The following ANKRD13C variants were observed in gnomAD, a reference collection of about 807,000 sequenced individuals.
The protein encoded by ANKRD13C is ankyrin repeat domain 13C.
A neutral mutation model predicts 65.5 loss-of-function variants in ANKRD13C; 16 were observed. That is an observed-to-expected ratio of 0.24 (90% CI 0.17 to 0.37). The LOEUF is 0.37. ANKRD13C is among the 10% of genes least tolerant of loss of function. The pLI, the probability that ANKRD13C is intolerant of heterozygous loss-of-function variation, is 1.00. For missense variants in ANKRD13C, 503 were observed against 655.9 expected (o/e 0.77, Z 2.55); for synonymous variants, 235 against 238.7 (o/e 0.98, Z 0.14).
chr1:70,303,820 C>A (rs1343456235), intron 6 of ANKRD13C, among the ~76,000 whole-genome samples: 1 of 152,144 alleles, frequency 6.6e-6, no homozygotes, highest in East Asian at 1.9e-4. Flanking sequence ...ATTCTCATCA[C>A]CTAGGCAAAA....
chr1:70,263,670 G>A (rs561685897), intron 12 of ANKRD13C, among the ~76,000 whole-genome samples: 1 of 152,122 alleles, frequency 6.6e-6, no homozygotes, highest in Non-Finnish European at 1.5e-5. Context: ...CTGAAATGAG[G>A]TTGGGTGTGG....
chr1:70,275,340 G>A (rs531722106), intron 10 of ANKRD13C, among the ~76,000 whole-genome samples: 49 of 152,258 alleles, frequency 3.2e-4, no homozygotes, highest in East Asian at 1.2e-3. Flanking sequence ...TAGAATGAGC[G>A]TTCCAATAAG....
chr1:70,330,881 C>T (rs1157709811), intron 2 of ANKRD13C, among the ~76,000 whole-genome samples: 1 of 151,802 alleles, frequency 6.6e-6, no homozygotes, highest in Non-Finnish European at 1.5e-5. Flanking sequence ...GTAAAACTTC[C>T]TGAAACCTTC....
intron 9 of ANKRD13C, among the ~76,000 whole-genome samples, chr1:70,283,732 C>T (rs531704510): frequency 9.2e-5 from 14 of 151,820 alleles, no homozygotes; most frequent in South Asian, 2.1e-4. Flanking sequence ...TGCTTGGAGC[C>T]GGGAGACGGA....
chr1:70,313,473 T>A (rs1029838601), intron 5 of ANKRD13C, among the ~76,000 whole-genome samples: 50 of 148,302 alleles, frequency 3.4e-4, no homozygotes, highest in Non-Finnish European at 1.2e-4. Flanking sequence ...GAGGCTGTAG[T>A]AAGCTATGAT....
At chr1:70,331,843 A>AG (rs397976671) in intron 2 of ANKRD13C, among the ~76,000 whole-genome samples, 64 of 149,958 alleles carry the variant, frequency 4.3e-4, no homozygotes, top group African/African-American at 1.5e-3. Flanking sequence ...AAAAAAAAAA[A>AG]GGAACACTAA....
At chr1:70,267,801 T>G (rs1678696382) in intron 12 of ANKRD13C, among the ~76,000 whole-genome samples, 1 of 152,162 alleles carries the variant, frequency 6.6e-6, no homozygotes, top group African/African-American at 2.4e-5. Context: ...GTGGCTGCTC[T>G]AGGTATACAT....
intron 1 of ANKRD13C, among the ~76,000 whole-genome samples, chr1:70,338,143 A>T (rs1682137077): frequency 1.3e-5 from 2 of 152,126 alleles, no homozygotes; most frequent in African/African-American, 4.8e-5. Flanking sequence ...GCAGTTTTAT[A>T]TATGAATTTA....
chr1:70,266,347 C>T (rs1678629509), intron 12 of ANKRD13C, among the ~76,000 whole-genome samples: 1 of 152,110 alleles, frequency 6.6e-6, no homozygotes, highest in South Asian at 2.1e-4. Context: ...AATAGTATAT[C>T]CCACGGTATA....
At chr1:70,351,062 G>A (rs1682723188) in intron 1 of ANKRD13C, among the ~76,000 whole-genome samples, 1 of 152,246 alleles carries the variant, frequency 6.6e-6, no homozygotes, top group Admixed American at 6.5e-5. Flanking sequence ...TCAGGAGGCT[G>A]AGGCAGAAGC....
intron 2 of ANKRD13C, among the ~76,000 whole-genome samples, chr1:70,335,314 G>T (rs1223386371): frequency 6.6e-6 from 1 of 151,482 alleles, no homozygotes; most frequent in Non-Finnish European, 1.5e-5. Context: ...GCTGACGCAG[G>T]AGAATTGCTT....
chr1:70,274,901 A>G, intron 10 of ANKRD13C, 83 bp from the exon 11 acceptor site: 1 of 832,242 alleles, frequency 1.2e-6, no homozygotes, highest in East Asian at 2.4e-5. Context: ...TCTTTCAATG[A>G]CATTCATTAA....
At chr1:70,346,585 A>T (rs1682535203) in intron 1 of ANKRD13C, among the ~76,000 whole-genome samples, 1 of 152,184 alleles carries the variant, frequency 6.6e-6, no homozygotes, top group South Asian at 2.1e-4. Flanking sequence ...TTCAAGTCTG[A>T]TCCAAGCAAG....
intron 3 of ANKRD13C, among the ~76,000 whole-genome samples, chr1:70,319,652 CT>C (rs57930157): frequency 0.039 from 5,463 of 139,970 alleles, 240 homozygotes; most frequent in African/African-American, 0.11. Flanking sequence ...TAGCATATGC[CT>C]TTTTTTTTTT....
chr1:70,336,042 G>GA lies in ANKRD13C; in HGVS notation c.472+15dup. On this transcript the variant is annotated intron_variant, in intron 2 of 12. Coordinates refer to ENST00000370944, the MANE Select transcript of ANKRD13C (RefSeq NM_030816.5). ...ATAAATGAAGTTAAACATAAAAAAA[G>GA]AAAATATTTACTAACCTTTATTTCC... 1.3e-6 allele frequency: 1 copy of GA among 794,226 alleles called. No homozygotes were observed. The highest frequency in any genetic ancestry group is 1.8e-6 in the Non-Finnish European group (1 of 562,738). The allele number at this position is 794,226 out of a possible 1,614,324, so 49.2% of individuals were successfully genotyped here. A position where few individuals can be genotyped will look rare whatever the true frequency, so the allele number is the denominator to read the frequency against.
At chr1:70,349,049 A>G (rs1178516224) in intron 1 of ANKRD13C, among the ~76,000 whole-genome samples, 1 of 152,218 alleles carries the variant, frequency 6.6e-6, no homozygotes, top group Non-Finnish European at 1.5e-5. Flanking sequence ...ACTCAAAGGA[A>G]AAAACAAAAT....
chr1:70,343,668 G>A (rs1043394404), intron 1 of ANKRD13C, among the ~76,000 whole-genome samples: 4 of 152,234 alleles, frequency 2.6e-5, no homozygotes, highest in African/African-American at 9.6e-5. Flanking sequence ...GACTAGCTGG[G>A]ATTATAGGCG....
chr1:70,335,786 T>G (rs1681999188), intron 2 of ANKRD13C, among the ~76,000 whole-genome samples: 1 of 150,978 alleles, frequency 6.6e-6, no homozygotes, highest in Non-Finnish European at 1.5e-5. Flanking sequence ...CTTCTAAAAT[T>G]ATAAATTCCT....
At chr1:70,311,430 G>C (rs374013402) in intron 5 of ANKRD13C, among the ~76,000 whole-genome samples, 1 of 152,072 alleles carries the variant, frequency 6.6e-6, no homozygotes, top group African/African-American at 2.4e-5. Context: ...AGCTGAGATC[G>C]CGTGACTGCA....
Sources: allele counts gnomAD v4.1 joint callset (sites outside exome capture counted in the v4.1 genomes callset), GRCh38; gene constraint gnomAD v4.1.1; transcripts MANE v1.5; gene names NCBI Gene and HGNC (gene_info 2026-07-23, HGNC 2026-07-21).